The following LDAF1 variants were observed in gnomAD, a reference collection of about 807,000 sequenced individuals.
The protein encoded by LDAF1 is PROMETHIN.
LDAF1 carries 7 observed loss-of-function variants against 13.5 expected under a neutral mutation model. That is an observed-to-expected ratio of 0.52 (90% CI 0.29 to 0.97). The LOEUF is 0.97. Ranked by LOEUF, LDAF1 falls within the 50% of genes least tolerant of loss-of-function variation. The pLI is 0.07. For synonymous variants in LDAF1, 69 were observed against 77.1 expected, an observed-to-expected ratio of 0.89 and a Z score of 0.55; for missense variants, 148 against 193.2, an observed-to-expected ratio of 0.77 and a Z score of 1.39.
chr16:21,170,754 C>T (rs942358962), intron 3 of LDAF1, 149 bp downstream of exon 3: 34 of 913,992 alleles, frequency 3.7e-5, no homozygotes, highest in South Asian at 3.4e-4. Context: ...GATCCTCCCA[C>T]GTCGGCCTGC....
intron 2 of LDAF1, chr16:21,169,168 T>C (rs2093061890): frequency 2.0e-6 from 2 of 984,886 alleles, no homozygotes; most frequent in Non-Finnish European, 2.4e-6. Flanking sequence ...GCTGAGATTT[T>C]GCAACTTGGA....
chr16:21,167,691 G>A (rs2093037027), intron 2 of LDAF1, among the ~76,000 whole-genome samples: 1 of 7,842 alleles, frequency 1.3e-4, no homozygotes, highest in Non-Finnish European at 2.3e-4. Flanking sequence ...CAAGACCTTA[G>A]GTTTGTTTTT....
intron 4 of LDAF1, chr16:21,178,524 C>A: frequency 2.6e-6 from 1 of 387,612 alleles, no homozygotes; most frequent in Non-Finnish European, 3.5e-6. Flanking sequence ...GCTGGTGCAG[C>A]CAGTGTGGTA....
chr16:21,167,697 T>TTTTTTTTTTTTTG (rs1555584386), intron 2 of LDAF1, among the ~76,000 whole-genome samples: 8 of 23,758 alleles, frequency 3.4e-4, no homozygotes, highest in Non-Finnish European at 7.7e-4. Context: ...CTTAGGTTTG[T>TTTTTTTTTTTTTG]TTTTTTTTTT....
chr16:21,160,833 G>T (rs1225700546), intron 1 of LDAF1: 5 of 207,642 alleles, frequency 2.4e-5, no homozygotes, highest in Non-Finnish European at 4.7e-5. Flanking sequence ...TGTTTTGCTA[G>T]TCATTATATG....
rs187212622 is a variant in LDAF1 at position 21,162,142 on chromosome 16, C to T, written c.96+864C>T. Among the ~76,000 whole-genome samples, 460 of 151,264 alleles carry T rather than the reference C, an allele frequency of 3.0e-3. 3 individuals carry two copies. The highest frequency in any genetic ancestry group is 4.4e-3 in the Non-Finnish European group (296 of 67,908). ...CCGCACTCCAGCCTGGGCGACAGAG[C>T]GAGATTCCGTCTCCAAAAAAAAAAA... On this transcript the variant is annotated intron_variant, in intron 2 of 4. Coordinates refer to ENST00000233047, the MANE Select transcript of LDAF1 (RefSeq NM_001301771.2).
rs2152849395 is a variant in LDAF1, at chr16:21,174,581, C to G, written c.404+433C>G. ...GATGTCCAGAAGGAAACTTGTAAGA[C>G]CCAGGTGTTTCTCATAGTTCCCCAT... On this transcript the variant is annotated intron_variant, in intron 4 of 4. Coordinates refer to ENST00000233047, the MANE Select transcript of LDAF1 (RefSeq NM_001301771.2). Among the ~76,000 whole-genome samples, 2 of 152,236 alleles carry G rather than the reference C, an allele frequency of 1.3e-5. 1 individual carries two copies. The highest frequency in any genetic ancestry group is 4.2e-4 in the South Asian group (2 of 4,812).
chr16:21,170,709 T>G, intron 3 of LDAF1, 104 bp downstream of exon 3: 1 of 1,367,922 alleles, frequency 7.3e-7, no homozygotes, highest in East Asian at 2.4e-5. Flanking sequence ...TCTTGTTATG[T>G]TGCCCAGGCT....
At chr16:21,173,043 G>T (rs1597558398) in intron 3 of LDAF1, among the ~76,000 whole-genome samples, 1 of 152,114 alleles carries the variant, frequency 6.6e-6, no homozygotes, top group African/African-American at 2.4e-5. Context: ...ATGAAAAAAT[G>T]TATTTTCCTT....
At position 21,179,490 on chromosome 16, in the gene LDAF1, A is replaced by G. The variant is rs749973113; in HGVS notation, c.420A>G (p.Gln140=). 2.5e-5 allele frequency: 41 copies of G among 1,614,048 alleles called. No homozygotes were observed. The highest frequency in any genetic ancestry group is 3.3e-5 in the Non-Finnish European group (39 of 1,180,038). Reference sequence around the variant, plus strand: ...TATCCGACAGGCCACTGACACAGCAAAACACCAGTTGTGACTTTCTGCCAG... The same window carrying G: ...TATCCGACAGGCCACTGACACAGCAGAACACCAGTTGTGACTTTCTGCCAG... ...CWFSPRPLTQ[Q]NTSCDFLPAM... is the part of the protein sequence containing the mutation. Residue 140 remains glutamine (Q), a synonymous_variant, in exon 5 of 5, where the codon CAA becomes CAG. Transcript: ENST00000233047.
intron 4 of LDAF1, among the ~76,000 whole-genome samples, chr16:21,175,881 G>T (rs1309251573): frequency 6.6e-6 from 1 of 152,034 alleles, no homozygotes; most frequent in Non-Finnish European, 1.5e-5. Flanking sequence ...TTCAAAAATC[G>T]CTTTGATCAC....
At chr16:21,167,692 G>GTTTGTTTTTT in intron 2 of LDAF1, among the ~76,000 whole-genome samples, 1 of 8,982 alleles carries the variant, frequency 1.1e-4, no homozygotes, top group African/African-American at 5.2e-4. Context: ...AAGACCTTAG[G>GTTTGTTTTTT]TTTGTTTTTT....
chr16:21,169,091 TTAATAATGCTTTTAATAA>T (rs1476457813), intron 2 of LDAF1: 39 of 786,100 alleles, frequency 5.0e-5, no homozygotes, highest in Non-Finnish European at 6.0e-5. Context: ...GCTAATCACT[TTAATAATGCTTTTAATAA>T]TAATAATGCT....
At chr16:21,174,246 G>A in intron 4 of LDAF1, 98 bp downstream of exon 4, 3 of 1,197,222 alleles carry the variant, frequency 2.5e-6, no homozygotes, top group Non-Finnish European at 3.5e-6. Context: ...CTGGAGTGCA[G>A]TGGCATGAAC....
chr16:21,177,729 T>C (rs1318160459), intron 4 of LDAF1, among the ~76,000 whole-genome samples: 3 of 151,618 alleles, frequency 2.0e-5, no homozygotes, highest in Non-Finnish European at 4.4e-5. Context: ...GCAGTTCTTC[T>C]GTCTCAGCCT....
intron 2 of LDAF1, among the ~76,000 whole-genome samples, chr16:21,165,187 A>G (rs910730967): frequency 6.6e-6 from 1 of 152,230 alleles, no homozygotes; most frequent in Admixed American, 6.5e-5. Context: ...ATGGCGGGGC[A>G]TGGTGGCTGA....
rs535117691 is a variant in LDAF1, at chr16:21,170,190, C to T, written c.97-247C>T. 1.4e-4 allele frequency: 53 copies of T among 384,510 alleles called. 1 individual carries two copies. The South Asian group carries it at 3.4e-3, about 24-fold the overall frequency. The allele number at this position is 384,510 out of a possible 1,614,324, so 23.8% of individuals were successfully genotyped here. On this transcript the variant is annotated intron_variant, in intron 2 of 4. Transcript: ENST00000233047. ...GCTAATTTTGTATTTTTAGTAGAGA[C>T]GGGGGTTTCATCATGTTGGTCAGGC...
At position 21,180,142 on chromosome 16, in the gene LDAF1, C is replaced by T. The variant is rs1352152243; in HGVS notation, c.*586C>T. ...TAGTTTCCACTGTAACTGTTGAGTA[C>T]TGTTAAGTACTGTTAATCTTTTACA... is the stretch of plus-strand genomic sequence containing the variant. On this transcript the variant is annotated 3_prime_UTR_variant, in exon 5 of 5. Transcript: ENST00000233047. 1 of 152,020 alleles carries T rather than the reference C, an allele frequency of 6.6e-6. No individual in the cohort carries two copies. The highest frequency in any genetic ancestry group is 1.5e-5 in the Non-Finnish European group (1 of 68,568). The allele number at this position is 152,020 out of a possible 1,614,324, so 9.4% of individuals were successfully genotyped here.
rs2093057314 is a variant in LDAF1, at chr16:21,168,929, T to C, written c.97-1508T>C. The stretch of plus-strand genomic sequence containing the variant: ...ATTTATATTTATTTATATTTATATA[T>C]TTAAATATTTATATTTATAGTATAT... On this transcript the variant is annotated intron_variant, in intron 2 of 4. Coordinates refer to ENST00000233047, the MANE Select transcript of LDAF1 (RefSeq NM_001301771.2). 3.0e-5 allele frequency among the ~76,000 whole-genome samples: 4 copies of C among 134,458 alleles called. 1 individual carries two copies. In the Admixed American group the frequency reaches 3.3e-4, roughly 11 times the overall value. The allele number at this position is 134,458 out of a possible 152,430, so 88.2% of individuals were successfully genotyped here.
Sources: allele counts gnomAD v4.1 joint callset (sites outside exome capture counted in the v4.1 genomes callset), GRCh38; gene constraint gnomAD v4.1.1; transcripts MANE v1.5; gene names NCBI Gene and HGNC (gene_info 2026-07-23, HGNC 2026-07-21).